The following COL20A1 variants were observed in gnomAD, a reference collection of about 807,000 sequenced individuals.
COL20A1 encodes collagen alpha-1(XX) chain.
In COL20A1, 164 loss-of-function variants were observed where a neutral mutation model predicts 152.9. That is an observed-to-expected ratio of 1.07 (90% CI 0.94 to 1.22). COL20A1 has a LOEUF of 1.22. Among genes scored for constraint, COL20A1 ranks in the 50% most tolerant of loss-of-function variants. The probability of loss-of-function intolerance (pLI) is 0.00; values close to 1 mark genes in which losing one functional copy is unlikely to be tolerated. For missense variants in COL20A1, 1,873 were observed against 1,744.8 expected (o/e 1.07, Z -1.31); for synonymous variants, 864 against 756.0 (o/e 1.14, Z -2.34).
intron 35 of COL20A1, among the ~76,000 whole-genome samples, 179 bp from the exon 36 acceptor site, chr20:63,330,541 G>A (rs369626426): frequency 3.9e-5 from 6 of 152,106 alleles, no homozygotes; most frequent in South Asian, 2.1e-4. Flanking sequence ...GGCCCTGCCC[G>A]CAATCCTGCC....
chr20:63,320,784 C>T (rs936795636), intron 25 of COL20A1, among the ~76,000 whole-genome samples: 2 of 152,162 alleles, frequency 1.3e-5, no homozygotes, highest in Admixed American at 6.5e-5. Flanking sequence ...CTCATGCGGA[C>T]AGCGTGGCAG....
intron 8 of COL20A1, 69 bp from the exon 9 acceptor site, chr20:63,309,264 C>A (rs528290622): frequency 1.8e-5 from 23 of 1,254,458 alleles, no homozygotes; most frequent in Non-Finnish European, 4.2e-6. Context: ...TCCATGGAGA[C>A]CCCCACCGCA....
chr20:63,312,309 C>G, intron 14 of COL20A1, 111 bp from the exon 15 acceptor site: 1 of 1,295,560 alleles, frequency 7.7e-7, no homozygotes, highest in Non-Finnish European at 1.0e-6. Flanking sequence ...TTCCCCGTTT[C>G]TGGGGGGTCG....
chr20:63,320,019 C>A lies in COL20A1; in HGVS notation c.2917-20C>A. The A allele has an allele frequency of 6.5e-7, 1 of 1,549,788 alleles. No homozygotes were observed. Among genetic ancestry groups the A allele is most frequent in the South Asian group, 1.2e-5 (1 of 84,078 alleles). On this transcript the variant is annotated intron_variant, in intron 23 of 35. Transcript: ENST00000358894. The stretch of plus-strand genomic sequence containing the variant: ...CCGGCCCCGCCTGGGCTGTGGAGAA[C>A]CTCCCGTGCCGTCTCACAGGTGCAC...
At chr20:63,293,387 A>G (rs2067740466) in intron 1 of COL20A1, 112 bp downstream of exon 1, 2 of 152,130 alleles carry the variant, frequency 1.3e-5, no homozygotes, top group South Asian at 4.1e-4. Context: ...GATAGAGGCC[A>G]AGTGCCCCTG....
chr20:63,299,088 G>T (rs748437039), intron 3 of COL20A1, among the ~76,000 whole-genome samples: 5 of 152,230 alleles, frequency 3.3e-5, no homozygotes, highest in Non-Finnish European at 7.3e-5. Flanking sequence ...CCCGTGGTGT[G>T]TAACAGCCGT....
chr20:63,325,118 G>C, intron 27 of COL20A1: 1 of 473,976 alleles, frequency 2.1e-6, no homozygotes, highest in South Asian at 1.9e-5. Flanking sequence ...AGGGTGCTGG[G>C]GCTGCCCCTG....
chr20:63,310,486 G>A lies in COL20A1; in HGVS notation c.1369G>A (p.Gly457Ser). Reference protein sequence around the residue: ...FPIYEGGVGEGLRGLVTTAPL... With the variant: ...FPIYEGGVGESLRGLVTTAPL... ...CATCTATGAGGGCGGGGTTGGCGAA[G>A]GCCTGCGGGGCCTGGTGACCACAGG... Residue 457 changes from glycine to serine, a missense_variant, in exon 11 of 36, where the codon GGC becomes AGC. Transcript: ENST00000358894. 1 of 1,602,226 alleles carries A rather than the reference G, an allele frequency of 6.2e-7. No individual in the cohort carries two copies. Among genetic ancestry groups the A allele is most frequent in the Non-Finnish European group, 8.5e-7 (1 of 1,175,204 alleles).
Position 63,312,033 on chromosome 20 carries a change from G to C in COL20A1, c.1781G>C (p.Ser594Thr). Residue 594 changes from serine to threonine, a missense_variant, in exon 14 of 36, where the codon AGC becomes ACC. Transcript: ENST00000358894. ...CTGGTCAGGGTCACCTATGTGTCCA[G>C]CGAGGGTGGACACTCGGGGCAGGTG... Reference protein sequence around the residue: ...VRLVRVTYVSSEGGHSGQTEA... With the variant: ...VRLVRVTYVSTEGGHSGQTEA... 6.3e-7 allele frequency: 1 copy of C among 1,594,244 alleles called. No individual in the cohort carries two copies. The highest frequency in any genetic ancestry group is 1.3e-5 in the African/African-American group (1 of 74,290).
At position 63,319,450 on chromosome 20, in the gene COL20A1, C is replaced by T; in HGVS notation, c.2807-37C>T. 1 of 1,474,540 alleles carries T rather than the reference C, an allele frequency of 6.8e-7. No homozygotes were observed. The highest frequency in any genetic ancestry group is 9.3e-7 in the Non-Finnish European group (1 of 1,079,374). 91.3% of individuals were successfully genotyped at this position (1,474,540 alleles called of 1,614,324 possible). A position where few individuals can be genotyped will look rare whatever the true frequency, so the allele number is the denominator to read the frequency against. On this transcript the variant is annotated intron_variant, in intron 22 of 35. Coordinates refer to ENST00000358894, the MANE Select transcript of COL20A1 (RefSeq NM_020882.4). The surrounding 1 kb of genome is among the most constrained non-coding windows in gnomAD (Gnocchi z 4.4). ...CTCAAGGTATAGGCCCGGCTGGTTG[C>T]AGCCCGTTCTCACCTGCTCCACCCC...
chr20:63,294,578 G>C (rs894722213), intron 1 of COL20A1, among the ~76,000 whole-genome samples: 1 of 149,042 alleles, frequency 6.7e-6, no homozygotes, highest in Non-Finnish European at 1.5e-5. Flanking sequence ...AGACCCACCC[G>C]CTCCCCACTC....
At position 63,326,828 on chromosome 20, in the gene COL20A1, G is replaced by A. The variant is rs1601442739; in HGVS notation, c.3528+5G>A. On this transcript the variant is annotated splice_donor_5th_base_variant and intron_variant, in intron 31 of 35. Transcript: ENST00000358894. ...CCAGGGACCGTGGGGCCCACAGTAA[G>A]TGCATTTCCAACACCCACCAGCCAA... The A allele has an allele frequency of 2.0e-6, 3 of 1,497,356 alleles. No individual in the cohort carries two copies. Among genetic ancestry groups the A allele is most frequent in the South Asian group, 1.4e-5 (1 of 72,228 alleles). 92.8% of individuals were successfully genotyped at this position (1,497,356 alleles called of 1,614,324 possible).
intron 31 of COL20A1, 43 bp downstream of exon 31, chr20:63,326,866 G>A (rs1433528363): frequency 7.1e-7 from 1 of 1,399,694 alleles, no homozygotes; most frequent in Non-Finnish European, 9.4e-7. Flanking sequence ...AAAGGTGGGG[G>A]AGCGAAGGGT....
At chr20:63,298,378 T>A (rs1199428477) in intron 3 of COL20A1, among the ~76,000 whole-genome samples, 1 of 152,084 alleles carries the variant, frequency 6.6e-6, no homozygotes, top group African/African-American at 2.4e-5. Context: ...GCAGCCTCAA[T>A]CTCCCGAGCT....
intron 27 of COL20A1, among the ~76,000 whole-genome samples, chr20:63,322,494 G>GT (rs2068178683): frequency 1.3e-5 from 2 of 152,192 alleles, no homozygotes; most frequent in African/African-American, 2.4e-5. Flanking sequence ...TGCCTTCTGT[G>GT]TGCCGGGCTG....
chr20:63,313,734 C>G lies in COL20A1; in HGVS notation c.2210-9C>G. ...GCCTGAGCCCCACACAACCCATGCT[C>G]TCGGCCAGCCACGGTGAGCAGGAGC... On this transcript the variant is annotated splice_polypyrimidine_tract_variant and intron_variant, in intron 17 of 35. Transcript: ENST00000358894. This position sits in a 1 kb window ranked among gnomAD's most constrained non-coding sequence, Gnocchi z 5.9. 2 of 1,572,132 alleles carry G rather than the reference C, an allele frequency of 1.3e-6. No homozygotes were observed. The highest frequency in any genetic ancestry group is 1.7e-6 in the Non-Finnish European group (2 of 1,162,496).
Position 63,311,077 on chromosome 20 carries a change from G to A in COL20A1, c.1394-317G>A, listed in dbSNP as rs116632570. 0.066 allele frequency among the ~76,000 whole-genome samples: 10,014 copies of A among 151,328 alleles called. 386 individuals are homozygous for A. Among genetic ancestry groups the A allele is most frequent in the South Asian group, 0.11 (532 of 4,784 alleles). On this transcript the variant is annotated intron_variant, in intron 11 of 35. Coordinates refer to ENST00000358894, the MANE Select transcript of COL20A1 (RefSeq NM_020882.4). The surrounding 1 kb of genome is among the most constrained non-coding windows in gnomAD (Gnocchi z 4.4). ...GTCTCTGGATGTGCCTGTCCCAGAC[G>A]TTTCCTGCAGGTGGAATCACACAGT...
chr20:63,307,797 G>A (rs1601412906), intron 6 of COL20A1, 149 bp downstream of exon 6: 1 of 1,196,028 alleles, frequency 8.4e-7, no homozygotes, highest in East Asian at 2.6e-5. Flanking sequence ...GGTGTTCTGG[G>A]GACCCCTCCG....
rs994465428 is a variant in COL20A1 at position 63,310,490 on chromosome 20, T to C, written c.1373T>C (p.Leu458Pro). Reference sequence around the variant, plus strand: ...TATGAGGGCGGGGTTGGCGAAGGCCTGCGGGGCCTGGTGACCACAGGTAGG... The same window carrying C: ...TATGAGGGCGGGGTTGGCGAAGGCCCGCGGGGCCTGGTGACCACAGGTAGG... Reference protein sequence around the residue: ...PIYEGGVGEGLRGLVTTAPLP... With the variant: ...PIYEGGVGEGPRGLVTTAPLP... The change falls in exon 11 of 36, where the codon CTG (leucine) becomes CCG (proline). Residue 458 changes from leucine (L) to proline (P), a missense_variant. Physicochemically the swap from Leu to Pro is moderately conservative, Grantham distance 98. Transcript: ENST00000358894. 1.2e-6 allele frequency: 2 copies of C among 1,602,114 alleles called. No individual in the cohort carries two copies. The highest frequency in any genetic ancestry group is 2.7e-5 in the African/African-American group (2 of 74,710).
Sources: gnomAD v4.1 joint callset for allele counts (sites outside exome capture counted in the v4.1 genomes callset) on GRCh38, gnomAD v4.1.1 for gene constraint, Gnocchi (gnomAD v3.1) non-coding constraint, MANE v1.5 for transcripts, NCBI Gene and HGNC (gene_info 2026-07-23, HGNC 2026-07-21) for gene names.